The following CTNNA3 variants were observed in gnomAD, a reference collection of about 807,000 sequenced individuals.
CTNNA3 encodes the protein catenin alpha-3.
CTNNA3 carries 76 observed loss-of-function variants against 95.7 expected under a neutral mutation model. The observed-to-expected ratio is 0.79, with a 90% CI of 0.66 to 0.96. The LOEUF is 0.96. Among genes scored for constraint, CTNNA3 ranks in the 40% least tolerant of loss-of-function variants. The pLI is 0.00. For synonymous variants in CTNNA3, 431 were observed against 374.4 expected (o/e 1.15, Z -1.74); for missense variants, 1,191 against 1,089.8 (o/e 1.09, Z -1.31).
intron 17 of CTNNA3, among the ~76,000 whole-genome samples, chr10:65,958,752 A>G (rs542301656): frequency 6.6e-6 from 1 of 152,208 alleles, no homozygotes; most frequent in South Asian, 2.1e-4. Context: ...CCTCCTCTGG[A>G]AGCTTTGTCT....
intron 2 of CTNNA3, among the ~76,000 whole-genome samples, chr10:67,611,053 T>C (rs999859389): frequency 6.6e-6 from 1 of 152,210 alleles, no homozygotes; most frequent in Non-Finnish European, 1.5e-5. Context: ...AAGTAATTTA[T>C]AAAGAAGAAA....
intron 7 of CTNNA3, among the ~76,000 whole-genome samples, chr10:67,104,525 A>T (rs528547077): frequency 6.6e-6 from 1 of 152,124 alleles, no homozygotes; most frequent in African/African-American, 2.4e-5. Flanking sequence ...TTTTAAACTC[A>T]CATCTTGAAA....
intron 3 of CTNNA3, among the ~76,000 whole-genome samples, chr10:67,569,387 T>C (rs2133699): frequency 0.042 from 6,372 of 152,224 alleles, 152 homozygotes; most frequent in South Asian, 0.1. Flanking sequence ...TTTTAAAGTA[T>C]GAGAAATTCT....
intron 7 of CTNNA3, among the ~76,000 whole-genome samples, chr10:66,890,168 C>T (rs1845211454): frequency 6.6e-6 from 1 of 152,114 alleles, no homozygotes; most frequent in African/African-American, 2.4e-5. Flanking sequence ...AACCTTTAGA[C>T]ATCTCAGTGG....
chr10:67,440,825 A>G (rs559743897), intron 5 of CTNNA3, among the ~76,000 whole-genome samples: 2 of 152,294 alleles, frequency 1.3e-5, no homozygotes, highest in African/African-American at 4.8e-5. Flanking sequence ...TTTCCAAGAA[A>G]GATGGGCACA....
intron 7 of CTNNA3, chr10:66,926,683 A>G (rs1257059029): frequency 1.4e-6 from 2 of 1,395,594 alleles, no homozygotes; most frequent in East Asian, 2.3e-5. Context: ...TTTAGAGATT[A>G]CCTTGCTCTG....
At chr10:66,457,024 G>A (rs1400574123) in intron 11 of CTNNA3, among the ~76,000 whole-genome samples, 2 of 151,884 alleles carry the variant, frequency 1.3e-5, no homozygotes, top group Non-Finnish European at 2.9e-5. Flanking sequence ...AGCCCAAGAC[G>A]TCGTGTCTGG....
chr10:67,130,341 A>G (rs1349846397), intron 7 of CTNNA3, among the ~76,000 whole-genome samples: 1 of 152,086 alleles, frequency 6.6e-6, no homozygotes, highest in Non-Finnish European at 1.5e-5. Context: ...TAGGGCAGGC[A>G]GGGAGAAGCC....
At chr10:66,559,721 G>A (rs542131697) in intron 10 of CTNNA3, among the ~76,000 whole-genome samples, 1 of 152,040 alleles carries the variant, frequency 6.6e-6, no homozygotes, top group South Asian at 2.1e-4. Context: ...GGGTTAGCAT[G>A]TACTCATCTT....
chr10:65,989,345 C>A (rs1189470021), intron 15 of CTNNA3, among the ~76,000 whole-genome samples: 2 of 152,002 alleles, frequency 1.3e-5, no homozygotes, highest in African/African-American at 4.8e-5. Flanking sequence ...AGAAATACTG[C>A]AGAGAAGATG....
At chr10:66,365,265 C>T (rs1352225892) in intron 12 of CTNNA3, among the ~76,000 whole-genome samples, 3 of 152,142 alleles carry the variant, frequency 2.0e-5, no homozygotes, top group Non-Finnish European at 4.4e-5. Context: ...AACCATCATT[C>T]TCAGCAAACT....
intron 11 of CTNNA3, among the ~76,000 whole-genome samples, chr10:66,386,525 G>A (rs1458761757): frequency 6.6e-6 from 1 of 152,096 alleles, no homozygotes; most frequent in South Asian, 2.1e-4. Flanking sequence ...ACTGCCCAAG[G>A]TAATTTATAG....
In CTNNA3 at chr10:66,686,877, T is replaced by TA. The variant is rs1246770208; in HGVS notation, c.1282-65094_1282-65093insT. Among the ~76,000 whole-genome samples, 68 of 152,262 alleles carry TA rather than the reference T, an allele frequency of 4.5e-4. 1 individual carries two copies. The South Asian group carries it at 0.013, about 29-fold the overall frequency. ...AACCAATAAATCTCTGTGATTTGCT[T>TA]TAGTTTGAGTTGTTGTTGTTTTTTG... On this transcript the variant is annotated intron_variant, in intron 9 of 17. Transcript: ENST00000433211.
At chr10:66,666,884 T>C (rs748161936) in intron 9 of CTNNA3, among the ~76,000 whole-genome samples, 20 of 152,232 alleles carry the variant, frequency 1.3e-4, no homozygotes, top group South Asian at 2.1e-4. Flanking sequence ...TACTTAAATA[T>C]CTGTGGTATT....
In CTNNA3 at chr10:67,188,097, C is replaced by T. The variant is rs142045187; in HGVS notation, c.844-7577G>A. ...ATTAACCAAGAAAATCACAAAAATA[C>T]GTAACTACAATGTGGATGTGTTGTA... On this transcript the variant is annotated intron_variant, in intron 6 of 17. Coordinates refer to ENST00000433211, the MANE Select transcript of CTNNA3 (RefSeq NM_013266.4). Among the ~76,000 whole-genome samples, 202 of 152,290 alleles carry T rather than the reference C, an allele frequency of 1.3e-3. 2 individuals carry two copies. Among genetic ancestry groups the T allele is most frequent in the African/African-American group, 4.7e-3 (194 of 41,566 alleles).
intron 11 of CTNNA3, among the ~76,000 whole-genome samples, chr10:66,413,183 A>G (rs1040802449): frequency 8.5e-5 from 13 of 152,322 alleles, no homozygotes; most frequent in African/African-American, 3.1e-4. Context: ...CATAGAGCCT[A>G]CATTACAAAC....
chr10:66,141,351 T>C (rs1008606584), intron 13 of CTNNA3, among the ~76,000 whole-genome samples: 8 of 151,966 alleles, frequency 5.3e-5, no homozygotes, highest in Non-Finnish European at 1.2e-4. Flanking sequence ...ATTAGTTTAA[T>C]ATTTAAAATT....
intron 5 of CTNNA3, among the ~76,000 whole-genome samples, chr10:67,429,691 T>A (rs949286596): frequency 6.6e-6 from 1 of 151,960 alleles, no homozygotes; most frequent in Non-Finnish European, 1.5e-5. Flanking sequence ...ATTGTGTAGG[T>A]TTTTTTCTAC....
rs144275622 is a variant in CTNNA3 at position 67,066,286 on chromosome 10, G to A, written c.1047+114031C>T. ...CAGCTCACTGCAACCTCCGCCTCCC[G>A]GGTTCAAGAGATTCTCCTGCCTCAG... On this transcript the variant is annotated intron_variant, in intron 7 of 17. Coordinates refer to ENST00000433211, the MANE Select transcript of CTNNA3 (RefSeq NM_013266.4). Among the ~76,000 whole-genome samples, 705 of 144,542 alleles carry A rather than the reference G, an allele frequency of 4.9e-3. 5 individuals are homozygous for A. Among genetic ancestry groups the A allele is most frequent in the African/African-American group, 0.016 (617 of 38,194 alleles). 94.8% of individuals were successfully genotyped at this position (144,542 alleles called of 152,430 possible). A position where few individuals can be genotyped will look rare whatever the true frequency, so the allele number is the denominator to read the frequency against.
Sources: gnomAD v4.1 joint callset for allele counts (sites outside exome capture counted in the v4.1 genomes callset) on GRCh38, gnomAD v4.1.1 for gene constraint, MANE v1.5 for transcripts, NCBI Gene and HGNC (gene_info 2026-07-23, HGNC 2026-07-21) for gene names.